Variants in PPARGC1A observed in about 807,000 individuals in gnomAD.
The protein encoded by PPARGC1A is peroxisome proliferator-activated receptor gamma coactivator 1-alpha.
PPARGC1A carries 25 observed loss-of-function variants against 88.7 expected under a neutral mutation model. The observed-to-expected ratio is 0.28, with a 90% CI of 0.21 to 0.39. The LOEUF (loss-of-function observed/expected upper bound fraction) is 0.39. PPARGC1A is among the 10% of genes least tolerant of loss of function. The pLI is 1.00. For synonymous variants in PPARGC1A, 363 were observed against 355.6 expected, an observed-to-expected ratio of 1.02 and a Z score of -0.24; for missense variants, 880 against 968.7, an observed-to-expected ratio of 0.91 and a Z score of 1.22.
At chr4:23,899,800 G>A (rs992596963), upstream of PPARGC1A, among the ~76,000 whole-genome samples, 3 of 152,112 alleles carry the variant, frequency 2.0e-5, no homozygotes, top group African/African-American at 4.8e-5. Flanking sequence ...ACAGTCAACC[G>A]GGAGGAAGGC....
chr4:24,067,420 C>T, the PPARGC1A span, among the ~76,000 whole-genome samples: 2 of 152,086 alleles, frequency 1.3e-5, no homozygotes, highest in South Asian at 2.1e-4. Context: ...CCCAAAGGGA[C>T]GCCTCTCTCA....
chr4:24,094,394 T>A, the PPARGC1A span, among the ~76,000 whole-genome samples: 19 of 152,210 alleles, frequency 1.2e-4, no homozygotes, highest in African/African-American at 4.6e-4. Flanking sequence ...TAGCTTCCAT[T>A]ACAGGCCCAG....
At chr4:24,198,726 G>A in the PPARGC1A span, among the ~76,000 whole-genome samples, 5 of 152,150 alleles carry the variant, frequency 3.3e-5, no homozygotes, top group Non-Finnish European at 7.4e-5. Context: ...CTGGAATAAG[G>A]GAATGGGGAA....
At chr4:24,113,011 T>C in the PPARGC1A span, among the ~76,000 whole-genome samples, 1 of 152,230 alleles carries the variant, frequency 6.6e-6, no homozygotes, top group African/African-American at 2.4e-5. Flanking sequence ...AGATGTTAGA[T>C]AGATATAAAA....
chr4:23,797,849 G>C (rs1465746117), intron 12 of PPARGC1A, among the ~76,000 whole-genome samples: 1 of 152,186 alleles, frequency 6.6e-6, no homozygotes, highest in Admixed American at 6.5e-5. Context: ...TGTTATAGGT[G>C]TCAGGCCTCT....
chr4:24,042,912 C>A, the PPARGC1A span, among the ~76,000 whole-genome samples: 1 of 152,120 alleles, frequency 6.6e-6, no homozygotes, highest in South Asian at 2.1e-4. Flanking sequence ...TCTTTATTAT[C>A]TGACATTATT....
the PPARGC1A span, among the ~76,000 whole-genome samples, chr4:24,204,506 G>A: frequency 6.6e-6 from 1 of 151,914 alleles, no homozygotes; most frequent in South Asian, 2.1e-4. Context: ...GGGAGGGGAA[G>A]AGAGGGGAGG....
the PPARGC1A span, among the ~76,000 whole-genome samples, chr4:23,997,280 A>G: frequency 2.0e-5 from 3 of 152,144 alleles, no homozygotes; most frequent in African/African-American, 7.2e-5. Context: ...GAAGGAAGGC[A>G]AAACGTCTAT....
chr4:23,834,099 A>T (rs773632248), intron 2 of PPARGC1A, among the ~76,000 whole-genome samples: 1 of 152,172 alleles, frequency 6.6e-6, no homozygotes, highest in African/African-American at 2.4e-5. Flanking sequence ...GGAGATCAAG[A>T]CCATCCTGGC....
intron 2 of PPARGC1A, among the ~76,000 whole-genome samples, chr4:23,874,172 C>T (rs548204824): frequency 3.7e-4 from 56 of 152,238 alleles, no homozygotes; most frequent in Non-Finnish European, 6.2e-4. Context: ...TTGAACTGAT[C>T]GGTGTTACAT....
At chr4:24,271,646 G>A in the PPARGC1A span, among the ~76,000 whole-genome samples, 1 of 152,106 alleles carries the variant, frequency 6.6e-6, no homozygotes, top group East Asian at 1.9e-4. Flanking sequence ...CAAAGTGCTG[G>A]GATTACAGGC....
chr4:24,443,735 T>TTG, the PPARGC1A span, among the ~76,000 whole-genome samples: 2 of 148,942 alleles, frequency 1.3e-5, no homozygotes, highest in Non-Finnish European at 3.0e-5. Flanking sequence ...TTTTTTTTTT[T>TTG]TGTAAATATG....
At chr4:24,398,715 C>T in the PPARGC1A span, among the ~76,000 whole-genome samples, 1 of 152,212 alleles carries the variant, frequency 6.6e-6, no homozygotes, top group African/African-American at 2.4e-5. Context: ...TCACATGAGG[C>T]TGATCTGAAA....
chr4:23,933,336 G>A, the PPARGC1A span, among the ~76,000 whole-genome samples: 1 of 152,202 alleles, frequency 6.6e-6, no homozygotes, highest in South Asian at 2.1e-4. Flanking sequence ...GAGAATAAAT[G>A]AGATAAAGTA....
chr4:24,172,856 C>A, the PPARGC1A span, among the ~76,000 whole-genome samples: 3 of 152,306 alleles, frequency 2.0e-5, no homozygotes, highest in South Asian at 2.1e-4. Flanking sequence ...GCCCTCTTGG[C>A]GACCTAAAAG....
the PPARGC1A span, among the ~76,000 whole-genome samples, chr4:23,936,145 A>G: frequency 6.6e-6 from 1 of 152,214 alleles, no homozygotes; most frequent in Admixed American, 6.5e-5. Flanking sequence ...CAACTGATTC[A>G]CCAAAATGAT....
At chr4:24,029,654 C>T in the PPARGC1A span, among the ~76,000 whole-genome samples, 1 of 152,044 alleles carries the variant, frequency 6.6e-6, no homozygotes, top group Non-Finnish European at 1.5e-5. Context: ...TCCTCCTTTG[C>T]AAAACAGGTA....
At chr4:24,027,309 C>T in the PPARGC1A span, among the ~76,000 whole-genome samples, 4 of 151,528 alleles carry the variant, frequency 2.6e-5, no homozygotes, top group Non-Finnish European at 5.9e-5. Context: ...GGCTATAGAA[C>T]CAGACTGCCT....
chr4:23,950,859 T>C, the PPARGC1A span, among the ~76,000 whole-genome samples: 1 of 152,142 alleles, frequency 6.6e-6, no homozygotes, highest in Non-Finnish European at 1.5e-5. Context: ...ACTGGTCTAA[T>C]TTTACCCCAA....
Sources: gnomAD v4.1 joint callset for allele counts (sites outside exome capture counted in the v4.1 genomes callset) on GRCh38, gnomAD v4.1.1 for gene constraint, MANE v1.5 for transcripts, NCBI Gene and HGNC (gene_info 2026-07-23, HGNC 2026-07-21) for gene names.